SLC30A8: variants seen among roughly 807,000 people sequenced by gnomAD.
SLC30A8 encodes proton-coupled zinc antiporter SLC30A8.
In SLC30A8, 27 loss-of-function variants were observed where a neutral mutation model predicts 36.9. The observed-to-expected ratio is 0.73, with a 90% CI of 0.54 to 1.01. The LOEUF (loss-of-function observed/expected upper bound fraction) is 1.01. SLC30A8 is among the 50% of genes least tolerant of loss of function. SLC30A8 has a pLI of 0.00. For missense variants in SLC30A8, 439 were observed against 452.0 expected (o/e 0.97, Z 0.26); for synonymous variants, 164 against 172.4 (o/e 0.95, Z 0.38).
At chr8:117,127,368 AAC>A (rs1820949754) in intron 2 of SLC30A8, among the ~76,000 whole-genome samples, 1 of 151,980 alleles carries the variant, frequency 6.6e-6, no homozygotes, top group South Asian at 2.1e-4. Flanking sequence ...AGTGTTTGTA[AAC>A]ACTATGCTGA....
chr8:116,977,383 G>A (rs1478748110), intron 1 of SLC30A8, among the ~76,000 whole-genome samples: 1 of 148,834 alleles, frequency 6.7e-6, no homozygotes, highest in East Asian at 2.0e-4. Flanking sequence ...TTGATCTCCT[G>A]ACCTCGTGAT....
At chr8:117,138,060 C>CAAAAAAA (rs60065374) in intron 1 of SLC30A8, among the ~76,000 whole-genome samples, 66 of 49,362 alleles carry the variant, frequency 1.3e-3, no homozygotes, top group East Asian at 1.8e-3. Context: ...TTCATTGTAG[C>CAAAAAAA]AAAAAAAAAA....
At chr8:117,019,528 C>T (rs1816635523) in intron 1 of SLC30A8, among the ~76,000 whole-genome samples, 1 of 152,142 alleles carries the variant, frequency 6.6e-6, no homozygotes, top group South Asian at 2.1e-4. Flanking sequence ...TTTCATAACT[C>T]CCAGTTCTTT....
At chr8:116,967,152 A>G (rs1287439671) in intron 1 of SLC30A8, among the ~76,000 whole-genome samples, 1 of 152,218 alleles carries the variant, frequency 6.6e-6, no homozygotes, top group African/African-American at 2.4e-5. Context: ...GGGTAGAGGA[A>G]TGGACTTTTA....
At chr8:117,133,295 A>T (rs1295640034), upstream of SLC30A8, among the ~76,000 whole-genome samples, 1 of 151,942 alleles carries the variant, frequency 6.6e-6, no homozygotes, top group African/African-American at 2.4e-5. Context: ...TCCCTGTCCT[A>T]CATCAACCCC....
chr8:116,964,705 T>C (rs1814541728), intron 1 of SLC30A8, among the ~76,000 whole-genome samples: 1 of 152,196 alleles, frequency 6.6e-6, no homozygotes, highest in South Asian at 2.1e-4. Context: ...GAGCTCTGTT[T>C]TTGTTTTTCT....
At chr8:117,129,377 T>C (rs189526997) in intron 2 of SLC30A8, among the ~76,000 whole-genome samples, 74 of 152,180 alleles carry the variant, frequency 4.9e-4, no homozygotes, top group African/African-American at 1.6e-3. Context: ...GCAATATCCA[T>C]ATAATGATGA....
chr8:117,147,407 G>A, intron 2 of SLC30A8: 2 of 414,152 alleles, frequency 4.8e-6, no homozygotes, highest in East Asian at 4.5e-5. Flanking sequence ...ATAGCTCACA[G>A]GTTTTATTTT....
At position 117,174,325 on chromosome 8, in the gene SLC30A8, C is replaced by T. The variant is rs1028903335; in HGVS notation, c.*1644C>T. On this transcript the variant is annotated 3_prime_UTR_variant, in exon 8 of 8. Coordinates refer to ENST00000456015, the MANE Select transcript of SLC30A8 (RefSeq NM_173851.3). The stretch of plus-strand genomic sequence containing the variant: ...GTATTTTTTTCTGAAATTTGAGGGC[C>T]AAGAAAACATTGACTTTGACTGAGG... The T allele has an allele frequency of 4.6e-5, 7 of 152,302 alleles. No individual in the cohort carries two copies. Among genetic ancestry groups the T allele is most frequent in the Admixed American group, 4.6e-4 (7 of 15,242 alleles). 9.4% of individuals were successfully genotyped at this position (152,302 alleles called of 1,614,324 possible).
chr8:117,083,029 C>A (rs1003611938), intron 2 of SLC30A8, among the ~76,000 whole-genome samples: 19 of 152,268 alleles, frequency 1.2e-4, no homozygotes, highest in African/African-American at 4.3e-4. Flanking sequence ...GATGTAGAAA[C>A]GAGTAGCTCC....
chr8:117,123,858 G>A lies in SLC30A8; in HGVS notation c.-225-11422G>A, dbSNP rs540346950. On this transcript the variant is annotated intron_variant, in intron 2 of 10. Transcript: ENST00000427715. The stretch of plus-strand genomic sequence containing the variant: ...TGGCTGAAAGGACATTGAAGATTTT[G>A]GAAACTATTGATGAGGAAATTGAAC... Among the ~76,000 whole-genome samples, 4 of 152,060 alleles carry A rather than the reference G, an allele frequency of 2.6e-5. No homozygotes were observed. The South Asian group carries it at 8.3e-4, about 32-fold the overall frequency.
chr8:117,115,355 AT>A (rs1300288215), intron 2 of SLC30A8, among the ~76,000 whole-genome samples: 1 of 152,044 alleles, frequency 6.6e-6, no homozygotes, highest in African/African-American at 2.4e-5. Context: ...CCTGTCTGCC[AT>A]TTTGATCCTC....
intron 2 of SLC30A8, among the ~76,000 whole-genome samples, chr8:117,148,364 T>C (rs1822001271): frequency 6.6e-6 from 1 of 152,128 alleles, no homozygotes; most frequent in African/African-American, 2.4e-5. Flanking sequence ...TATATTTCTT[T>C]AATCACTTAT....
At chr8:116,952,831 C>T (rs1346414996) in intron 1 of SLC30A8, among the ~76,000 whole-genome samples, 1 of 147,982 alleles carries the variant, frequency 6.8e-6, no homozygotes, top group East Asian at 2.0e-4. Flanking sequence ...TTATGTCTTC[C>T]TATTATGACA....
At chr8:117,064,662 A>G (rs1421923237) in intron 2 of SLC30A8, among the ~76,000 whole-genome samples, 1 of 152,194 alleles carries the variant, frequency 6.6e-6, no homozygotes, top group Non-Finnish European at 1.5e-5. Flanking sequence ...CGGACAGCCG[A>G]AGAGCATTAT....
intron 1 of SLC30A8, among the ~76,000 whole-genome samples, chr8:117,010,900 G>T (rs1404606784): frequency 6.6e-6 from 1 of 152,122 alleles, no homozygotes; most frequent in African/African-American, 2.4e-5. Flanking sequence ...ACACCAGGCG[G>T]ATGGTGCTAA....
At chr8:117,089,603 A>G (rs1257858369) in intron 2 of SLC30A8, among the ~76,000 whole-genome samples, 2 of 152,144 alleles carry the variant, frequency 1.3e-5, no homozygotes, top group African/African-American at 4.8e-5. Flanking sequence ...TCTGATGACA[A>G]TCTGGATTAT....
At chr8:116,985,159 A>C (rs1020541100) in intron 1 of SLC30A8, among the ~76,000 whole-genome samples, 9 of 152,024 alleles carry the variant, frequency 5.9e-5, no homozygotes, top group African/African-American at 1.9e-4. Flanking sequence ...AAATGTAGAA[A>C]GGTCAAATTA....
At chr8:117,046,272 AC>A (rs147184506) in intron 2 of SLC30A8, among the ~76,000 whole-genome samples, 13 of 151,356 alleles carry the variant, frequency 8.6e-5, no homozygotes, top group Non-Finnish European at 1.2e-4. Context: ...AGAGGGGTGG[AC>A]CCCCCCACCG....
Sources: gnomAD v4.1 joint callset for allele counts (sites outside exome capture counted in the v4.1 genomes callset) on GRCh38, gnomAD v4.1.1 for gene constraint, MANE v1.5 for transcripts, NCBI Gene and HGNC (gene_info 2026-07-23, HGNC 2026-07-21) for gene names.